Variants in OPCML observed in about 807,000 individuals in gnomAD.
OPCML encodes opioid-binding protein/cell adhesion molecule.
A neutral mutation model predicts 37.8 loss-of-function variants in OPCML; 13 were observed. That is an observed-to-expected ratio of 0.34 (90% CI 0.22 to 0.55). OPCML has a LOEUF of 0.55. OPCML is among the 20% of genes least tolerant of loss of function. The pLI, the probability that OPCML is intolerant of heterozygous loss-of-function variation, is 0.91. For synonymous variants in OPCML, 176 were observed against 168.8 expected (o/e 1.04, Z -0.33); for missense variants, 341 against 435.6 (o/e 0.78, Z 1.93).
At chr11:133,036,120 CT>C (rs1460734373) in intron 1 of OPCML, among the ~76,000 whole-genome samples, 1 of 152,144 alleles carries the variant, frequency 6.6e-6, no homozygotes. Flanking sequence ...TTAAAGTCTA[CT>C]TAAAATGTCA....
intron 2 of OPCML, among the ~76,000 whole-genome samples, chr11:132,701,116 G>T (rs897159015): frequency 6.6e-6 from 1 of 152,168 alleles, no homozygotes; most frequent in Admixed American, 6.5e-5. Context: ...AAGGAAAGAG[G>T]TTTAATGGAC....
At chr11:132,469,228 A>G (rs2508937) in intron 4 of OPCML, among the ~76,000 whole-genome samples, 65,581 of 152,074 alleles carry the variant, frequency 0.43, 15,809 homozygotes, top group East Asian at 0.86. Context: ...AAGAGGGAAA[A>G]GATAGGAAAA....
chr11:133,246,259 A>G (rs1940922206), intron 1 of OPCML, among the ~76,000 whole-genome samples: 1 of 152,240 alleles, frequency 6.6e-6, no homozygotes, highest in Admixed American at 6.5e-5. Flanking sequence ...AGTGTCTTAG[A>G]CATTGAGGAT....
chr11:133,409,800 A>T (rs775699623), intron 1 of OPCML, among the ~76,000 whole-genome samples: 2 of 152,168 alleles, frequency 1.3e-5, no homozygotes, highest in Non-Finnish European at 2.9e-5. Flanking sequence ...CACAGAACAC[A>T]GGTAAAGAAA....
intron 2 of OPCML, among the ~76,000 whole-genome samples, chr11:132,679,527 G>C (rs1318863776): frequency 6.6e-6 from 1 of 152,208 alleles, no homozygotes; most frequent in African/African-American, 2.4e-5. Context: ...GATATGAACT[G>C]TTCAGAACAG....
intron 2 of OPCML, among the ~76,000 whole-genome samples, chr11:132,723,133 T>C (rs1007302652): frequency 6.6e-6 from 1 of 152,172 alleles, no homozygotes; most frequent in African/African-American, 2.4e-5. Flanking sequence ...CAAAGGGCCA[T>C]GTGATTAGGA....
At chr11:132,924,796 G>A (rs1004790967) in intron 2 of OPCML, among the ~76,000 whole-genome samples, 4 of 152,174 alleles carry the variant, frequency 2.6e-5, no homozygotes, top group Admixed American at 1.3e-4. Flanking sequence ...TCCTGGATCT[G>A]TGGTTTGGTG....
At chr11:132,525,789 G>T (rs577942714) in intron 4 of OPCML, 1 of 152,200 alleles carries the variant, frequency 6.6e-6, no homozygotes, top group African/African-American at 2.4e-5. Context: ...ATGGTGGTTT[G>T]CTGCACCCAT....
At chr11:132,424,967 G>C in intron 7 of OPCML, among the ~76,000 whole-genome samples, 1 of 152,208 alleles carries the variant, frequency 6.6e-6, no homozygotes, top group Non-Finnish European at 1.5e-5. Context: ...GAGACCACTG[G>C]CTGTGAGGGC....
At chr11:132,865,387 T>C (rs1476598152) in intron 2 of OPCML, among the ~76,000 whole-genome samples, 1 of 152,152 alleles carries the variant, frequency 6.6e-6, no homozygotes, top group Admixed American at 6.5e-5. Flanking sequence ...TTGCAAACAC[T>C]GTAAAAACTC....
intron 1 of OPCML, among the ~76,000 whole-genome samples, chr11:133,312,155 T>C (rs1943080056): frequency 6.6e-6 from 1 of 152,226 alleles, no homozygotes; most frequent in East Asian, 1.9e-4. Context: ...TTTTCCTCTG[T>C]AGAGATTGAG....
intron 2 of OPCML, among the ~76,000 whole-genome samples, chr11:132,790,807 C>T (rs1419835562): frequency 6.6e-6 from 1 of 152,206 alleles, no homozygotes; most frequent in Non-Finnish European, 1.5e-5. Flanking sequence ...GCAACAAATG[C>T]CTTCCAATAT....
At chr11:132,453,989 G>T (rs549538001) in intron 4 of OPCML, among the ~76,000 whole-genome samples, 1 of 152,256 alleles carries the variant, frequency 6.6e-6, no homozygotes, top group East Asian at 1.9e-4. Flanking sequence ...CAGTCATGTG[G>T]CAACTGCTAT....
At chr11:132,535,097 A>G (rs981688581) in intron 3 of OPCML, among the ~76,000 whole-genome samples, 4 of 149,268 alleles carry the variant, frequency 2.7e-5, no homozygotes, top group South Asian at 2.1e-4. Context: ...TTAATAATAT[A>G]GTATAACATT....
intron 1 of OPCML, among the ~76,000 whole-genome samples, chr11:133,195,976 G>A: frequency 6.6e-6 from 1 of 152,038 alleles, no homozygotes; most frequent in East Asian, 1.9e-4. Context: ...TGAGCTTAAG[G>A]GCTCAGAGAA....
At chr11:132,991,694 C>G (rs1310820700) in intron 1 of OPCML, among the ~76,000 whole-genome samples, 1 of 152,182 alleles carries the variant, frequency 6.6e-6, no homozygotes, top group African/African-American at 2.4e-5. Flanking sequence ...GATACAGAAA[C>G]AGCCACAAAC....
intron 3 of OPCML, among the ~76,000 whole-genome samples, chr11:132,622,201 G>A (rs867000113): frequency 5.3e-5 from 8 of 152,046 alleles, no homozygotes; most frequent in Non-Finnish European, 7.4e-5. Context: ...CTTTAGTCCG[G>A]CAGTAAAGAT....
intron 1 of OPCML, among the ~76,000 whole-genome samples, chr11:132,978,132 G>A (rs1946504695): frequency 6.6e-6 from 1 of 152,182 alleles, no homozygotes; most frequent in Non-Finnish European, 1.5e-5. Flanking sequence ...TCTGATAGTG[G>A]CAGACAGGGA....
chr11:133,015,411 GGAAGGAAGGAAGGAAGGAAT>G (rs1565398789), intron 1 of OPCML, among the ~76,000 whole-genome samples: 802 of 111,822 alleles, frequency 7.2e-3, no homozygotes, highest in South Asian at 0.012. Flanking sequence ...AAGGAAGGAA[GGAAGGAAGGAAGGAAGGAAT>G]GAAGGAAGGA....
Sources: gnomAD v4.1 joint callset for allele counts (sites outside exome capture counted in the v4.1 genomes callset) on GRCh38, gnomAD v4.1.1 for gene constraint, MANE v1.5 for transcripts, NCBI Gene and HGNC (gene_info 2026-07-23, HGNC 2026-07-21) for gene names.